The following CALCR variants were observed in gnomAD, a reference collection of about 807,000 sequenced individuals.
The protein encoded by CALCR is calcitonin receptor.
A neutral mutation model predicts 59.5 loss-of-function variants in CALCR; 47 were observed. The ratio of observed to expected loss-of-function variants is 0.79; its 90% confidence interval spans 0.63 to 1.01. The LOEUF (loss-of-function observed/expected upper bound fraction) is 1.01. CALCR is among the 50% of genes least tolerant of loss of function. The probability of loss-of-function intolerance (pLI) is 0.00; values close to 1 mark genes in which losing one functional copy is unlikely to be tolerated. For missense variants in CALCR, 566 were observed against 597.1 expected, an observed-to-expected ratio of 0.95 and a Z score of 0.54; for synonymous variants, 213 against 211.3, an observed-to-expected ratio of 1.01 and a Z score of -0.07.
chr7:93,493,419 C>T (rs1482033399), intron 2 of CALCR, among the ~76,000 whole-genome samples: 1 of 151,322 alleles, frequency 6.6e-6, no homozygotes, highest in African/African-American at 2.4e-5. Flanking sequence ...TTCTTCATTC[C>T]AAGCTTCTAG....
chr7:93,500,304 C>G (rs1453285406), intron 2 of CALCR, among the ~76,000 whole-genome samples: 2 of 151,890 alleles, frequency 1.3e-5, no homozygotes, highest in Non-Finnish European at 2.9e-5. Context: ...AGTTTAATTT[C>G]TCTTAGTCAC....
At chr7:93,480,231 G>A (rs1800763948) in intron 3 of CALCR, among the ~76,000 whole-genome samples, 3 of 151,826 alleles carry the variant, frequency 2.0e-5, no homozygotes, top group Admixed American at 1.3e-4. Flanking sequence ...TTTTTCAAAG[G>A]TAATGTGGGT....
chr7:93,466,492 A>T (rs1180618675), intron 7 of CALCR, among the ~76,000 whole-genome samples: 1 of 151,946 alleles, frequency 6.6e-6, no homozygotes, highest in African/African-American at 2.4e-5. Context: ...ATTGAAAACA[A>T]GTATAAAAAT....
chr7:93,468,637 TC>T (rs1409609706), intron 7 of CALCR, 77 bp downstream of exon 7: 3 of 966,104 alleles, frequency 3.1e-6, no homozygotes, highest in Non-Finnish European at 3.2e-6. Context: ...CTTCCCCACC[TC>T]CACTCTTGCA....
At position 93,426,313 on chromosome 7, in the gene CALCR, G is replaced by T; in HGVS notation, c.*43C>A. 9.1e-7 allele frequency: 1 copy of T among 1,104,410 alleles called. No individual in the cohort carries two copies. Among genetic ancestry groups the T allele is most frequent in the Non-Finnish European group, 1.4e-6 (1 of 717,234 alleles). The allele number at this position is 1,104,410 out of a possible 1,614,324, so 68.4% of individuals were successfully genotyped here. A position where few individuals can be genotyped will look rare whatever the true frequency, so the allele number is the denominator to read the frequency against. ...TTTAAATGCATGGTCTTTCTCCCAG[G>T]AAATGATGGCTCAGTGATCACGATG... is the stretch of plus-strand genomic sequence containing the variant. On this transcript the variant is annotated 3_prime_UTR_variant, in exon 14 of 14. Coordinates refer to ENST00000426151, the MANE Select transcript of CALCR (RefSeq NM_001742.4).
At chr7:93,483,542 A>G (rs1800854484) in intron 3 of CALCR, among the ~76,000 whole-genome samples, 1 of 150,682 alleles carries the variant, frequency 6.6e-6, no homozygotes, top group African/African-American at 2.4e-5. Flanking sequence ...ACAATCATGG[A>G]ATTACTACTG....
Position 93,436,245 on chromosome 7 carries a change from G to A in CALCR, c.931-75C>T. ...AGAATATGCACTGTTCTCAATTCTT[G>A]TTTATCCAGTGTGAGCAACAAATGT... is the stretch of plus-strand genomic sequence containing the variant. On this transcript the variant is annotated intron_variant, in intron 11 of 13. Transcript: ENST00000426151. 4 of 1,220,296 alleles carry A rather than the reference G, an allele frequency of 3.3e-6. No individual in the cohort carries two copies. In the South Asian group the frequency reaches 4.0e-5, roughly 12 times the overall value. The allele number at this position is 1,220,296 out of a possible 1,614,324, so 75.6% of individuals were successfully genotyped here.
Position 93,548,839 on chromosome 7 carries a change from A to AGTGTGTGTGTGTGTGTGT in CALCR, c.-27+25432_-27+25449dup, listed in dbSNP as rs754317267. On this transcript the variant is annotated intron_variant, in intron 2 of 13. Coordinates refer to ENST00000426151, the MANE Select transcript of CALCR (RefSeq NM_001742.4). Reference sequence around the variant, plus strand: ...AATTGCAATAATTCAATCCAGAAGAAGTGTGTGTGTGTGTGTGTGTGTGTG... The same window carrying AGTGTGTGTGTGTGTGTGT: ...AATTGCAATAATTCAATCCAGAAGAAGTGTGTGTGTGTGTGTGTGTGTGTGTGTGTGTGTGTGTGTGTG... 3.6e-5 allele frequency among the ~76,000 whole-genome samples: 5 copies of AGTGTGTGTGTGTGTGTGT among 137,438 alleles called. No homozygotes were observed. The East Asian group carries it at 1.1e-3, about 31-fold the overall frequency. The allele number at this position is 137,438 out of a possible 152,430, so 90.2% of individuals were successfully genotyped here. A position where few individuals can be genotyped will look rare whatever the true frequency, so the allele number is the denominator to read the frequency against.
chr7:93,514,171 T>C (rs191846060), intron 2 of CALCR, among the ~76,000 whole-genome samples: 1 of 152,206 alleles, frequency 6.6e-6, no homozygotes. Flanking sequence ...AGGCTGAATA[T>C]AACTCCTATG....
intron 4 of CALCR, among the ~76,000 whole-genome samples, chr7:93,477,971 A>ATAAAAAT (rs1387793403): frequency 7.2e-5 from 4 of 55,298 alleles, no homozygotes; most frequent in African/African-American, 2.3e-4. Context: ...CAAAAAAAAA[A>ATAAAAAT]AAAAAAAAAA....
At chr7:93,486,821 C>T in intron 3 of CALCR, 110 bp downstream of exon 3, 1 of 732,494 alleles carries the variant, frequency 1.4e-6, no homozygotes, top group Non-Finnish European at 2.4e-6. Flanking sequence ...GTTTCGGCTT[C>T]TGGAGACCAA....
chr7:93,463,441 T>C (rs1210873604), intron 7 of CALCR, among the ~76,000 whole-genome samples: 1 of 151,980 alleles, frequency 6.6e-6, no homozygotes, highest in African/African-American at 2.4e-5. Flanking sequence ...TTTTTGCTCA[T>C]TGAGTTTTAA....
At chr7:93,427,449 T>C (rs1732589007) in intron 13 of CALCR, among the ~76,000 whole-genome samples, 1 of 152,250 alleles carries the variant, frequency 6.6e-6, no homozygotes, top group Admixed American at 6.5e-5. Context: ...CTATTCTGTA[T>C]TTCTGAGTTT....
chr7:93,537,845 A>G (rs1011159210), intron 2 of CALCR, among the ~76,000 whole-genome samples: 1 of 151,938 alleles, frequency 6.6e-6, no homozygotes, highest in Admixed American at 6.6e-5. Flanking sequence ...GACCAAATCA[A>G]TGAAATTGAC....
At chr7:93,435,007 C>A (rs7791733) in intron 12 of CALCR, among the ~76,000 whole-genome samples, 2,908 of 152,206 alleles carry the variant, frequency 0.019, 92 homozygotes, top group African/African-American at 0.066. Context: ...ATTACTCCTG[C>A]CAAGGACTCC....
chr7:93,533,015 A>T (rs1788888331), intron 2 of CALCR, among the ~76,000 whole-genome samples: 1 of 151,910 alleles, frequency 6.6e-6, no homozygotes, highest in South Asian at 2.1e-4. Context: ...TCTAAAAATA[A>T]CCTGAAGACT....
In CALCR at chr7:93,568,511, CT is replaced by C. The variant is rs2116287184; in HGVS notation, c.-27+5777del. Among the ~76,000 whole-genome samples the C allele has an allele frequency of 9.0e-5, 3 of 33,350 alleles. No individual in the cohort carries two copies. In the East Asian group the frequency reaches 2.0e-3, roughly 22 times the overall value. 21.9% of individuals were successfully genotyped at this position (33,350 alleles called of 152,430 possible). A position where few individuals can be genotyped will look rare whatever the true frequency, so the allele number is the denominator to read the frequency against. ...TCCCTGGTTTCCATAAAATTACTTT[CT>C]CTCTCTCTCTCTCTCTCTCTCTCTC... On this transcript the variant is annotated intron_variant, in intron 2 of 13. Transcript: ENST00000426151.
At chr7:93,554,730 T>C (rs1280074028) in intron 2 of CALCR, among the ~76,000 whole-genome samples, 3 of 145,472 alleles carry the variant, frequency 2.1e-5, no homozygotes, top group African/African-American at 8.0e-5. Flanking sequence ...TGCAGAATTC[T>C]GAAAGCAAAG....
At chr7:93,470,309 T>A (rs1192754506) in intron 6 of CALCR, among the ~76,000 whole-genome samples, 1 of 151,540 alleles carries the variant, frequency 6.6e-6, no homozygotes, top group East Asian at 2.0e-4. Flanking sequence ...TCCCAGGAAT[T>A]CATTTTCTGG....
Sources: allele counts gnomAD v4.1 joint callset (sites outside exome capture counted in the v4.1 genomes callset), GRCh38; gene constraint gnomAD v4.1.1; transcripts MANE v1.5; gene names NCBI Gene and HGNC (gene_info 2026-07-23, HGNC 2026-07-21).